INPP4B: variants seen among roughly 807,000 people sequenced by gnomAD.
INPP4B encodes inositol polyphosphate-4-phosphatase type II B.
Under a neutral mutation model 122.5 loss-of-function variants are expected in INPP4B, and 55 were observed. The observed-to-expected ratio is 0.45, with a 90% CI of 0.36 to 0.56. The LOEUF is 0.56. Ranked by LOEUF, INPP4B falls within the 20% of genes least tolerant of loss-of-function variation. INPP4B has a pLI of 0.00. For synonymous variants in INPP4B, 403 were observed against 388.7 expected (o/e 1.04, Z -0.43); for missense variants, 1,000 against 1,097.7 (o/e 0.91, Z 1.26).
At chr4:142,035,118 T>C (rs1743025824) in intron 25 of INPP4B, among the ~76,000 whole-genome samples, 1 of 152,170 alleles carries the variant, frequency 6.6e-6, no homozygotes, top group Non-Finnish European at 1.5e-5. Flanking sequence ...GGAGGATTTG[T>C]CTGAGGCTCA....
chr4:142,284,914 T>G (rs532239592), intron 9 of INPP4B, among the ~76,000 whole-genome samples: 1 of 152,224 alleles, frequency 6.6e-6, no homozygotes, highest in African/African-American at 2.4e-5. Context: ...GTTAATCAAT[T>G]TATATTTTGC....
intron 2 of INPP4B, among the ~76,000 whole-genome samples, chr4:142,496,389 T>C (rs1225017660): frequency 6.6e-6 from 1 of 152,196 alleles, no homozygotes; most frequent in East Asian, 1.9e-4. Flanking sequence ...TTATCATAAA[T>C]GTATTTCGTG....
intron 1 of INPP4B, among the ~76,000 whole-genome samples, chr4:142,761,674 A>G (rs902461587): frequency 6.6e-6 from 1 of 152,180 alleles, no homozygotes; most frequent in African/African-American, 2.4e-5. Flanking sequence ...ATTTGTTTCT[A>G]TTTTACACAT....
chr4:142,152,122 G>A (rs148071087), intron 17 of INPP4B, among the ~76,000 whole-genome samples: 3,885 of 136,752 alleles, frequency 0.028, 168 homozygotes, highest in African/African-American at 0.11. Context: ...CCCCCAGGCT[G>A]GAGTGCAGTG....
intron 17 of INPP4B, among the ~76,000 whole-genome samples, chr4:142,149,217 T>C (rs1398478600): frequency 6.6e-6 from 1 of 152,138 alleles, no homozygotes; most frequent in East Asian, 1.9e-4. Context: ...TGGCTCTCAG[T>C]AATTTTTGTT....
chr4:142,490,463 G>A (rs1821738523), intron 2 of INPP4B, among the ~76,000 whole-genome samples: 1 of 151,822 alleles, frequency 6.6e-6, no homozygotes, highest in Non-Finnish European at 1.5e-5. Context: ...ATACATTTAT[G>A]GTGTAAAATA....
At chr4:142,334,818 A>C (rs973986574) in intron 7 of INPP4B, among the ~76,000 whole-genome samples, 6 of 151,584 alleles carry the variant, frequency 4.0e-5, no homozygotes, top group African/African-American at 1.5e-4. Context: ...GTTGTTTTTT[A>C]TTTTTTATTG....
chr4:142,388,667 T>A (rs1796715465), intron 7 of INPP4B, among the ~76,000 whole-genome samples: 1 of 152,154 alleles, frequency 6.6e-6, no homozygotes, highest in Non-Finnish European at 1.5e-5. Context: ...TTGCTTTGCA[T>A]TTTGAGAGAG....
intron 18 of INPP4B, among the ~76,000 whole-genome samples, chr4:142,135,676 G>A (rs2152806324): frequency 6.6e-6 from 1 of 152,248 alleles, no homozygotes; most frequent in Middle Eastern, 3.4e-3. Flanking sequence ...ACAGAATCCA[G>A]TAAAAAATAA....
intron 12 of INPP4B, among the ~76,000 whole-genome samples, chr4:142,236,033 C>A (rs60563061): frequency 0.034 from 5,220 of 152,254 alleles, 290 homozygotes; most frequent in African/African-American, 0.12. Flanking sequence ...AAAGGGTAAG[C>A]CCTAGTCCTA....
rs4402587 is a variant in INPP4B at position 142,071,067 on chromosome 4, C to T, written c.2642+10964G>A. ...CAAAAGAATAAAGCTGGAGGCATCA[C>T]GCTACCTGACTTCAAACTATACTAC... is the stretch of plus-strand genomic sequence containing the variant. On this transcript the variant is annotated intron_variant, in intron 25 of 25. Coordinates refer to ENST00000262992, the MANE Select transcript of INPP4B (RefSeq NM_001101669.3). Among the ~76,000 whole-genome samples the T allele has an allele frequency of 1.4e-4, 21 of 152,204 alleles. 1 individual carries two copies. The highest frequency in any genetic ancestry group is 4.6e-4 in the African/African-American group (19 of 41,524).
chr4:142,045,350 C>T (rs1750762166), intron 25 of INPP4B, among the ~76,000 whole-genome samples: 1 of 152,062 alleles, frequency 6.6e-6, no homozygotes, highest in Non-Finnish European at 1.5e-5. Context: ...TTGTACTGGC[C>T]TTTTAATTTC....
At chr4:142,386,069 A>T (rs1205976282) in intron 7 of INPP4B, among the ~76,000 whole-genome samples, 1 of 152,110 alleles carries the variant, frequency 6.6e-6, no homozygotes, top group Admixed American at 6.6e-5. Flanking sequence ...GAAAAACACT[A>T]TCTTCTTCTC....
At chr4:142,792,706 C>T (rs1181343936) in intron 1 of INPP4B, among the ~76,000 whole-genome samples, 1 of 152,020 alleles carries the variant, frequency 6.6e-6, no homozygotes, top group Non-Finnish European at 1.5e-5. Flanking sequence ...AATCACTACA[C>T]ACCTAAGCAC....
At chr4:142,793,481 A>G (rs1776834150) in intron 1 of INPP4B, among the ~76,000 whole-genome samples, 1 of 152,134 alleles carries the variant, frequency 6.6e-6, no homozygotes, top group African/African-American at 2.4e-5. Flanking sequence ...AGCAAATGAC[A>G]TGCTTGTTGC....
At chr4:142,604,483 AC>A (rs1279453306) in intron 2 of INPP4B, among the ~76,000 whole-genome samples, 10 of 152,144 alleles carry the variant, frequency 6.6e-5, no homozygotes, top group African/African-American at 2.4e-4. Context: ...AAACCAAAAG[AC>A]TCCAACAGAA....
intron 2 of INPP4B, among the ~76,000 whole-genome samples, chr4:142,725,215 T>C (rs1211671067): frequency 1.3e-5 from 2 of 152,134 alleles, no homozygotes; most frequent in African/African-American, 4.8e-5. Context: ...GAACAACATA[T>C]GTAAATAATT....
chr4:142,198,206 A>G (rs1179430137), intron 14 of INPP4B, among the ~76,000 whole-genome samples: 1 of 152,068 alleles, frequency 6.6e-6, no homozygotes, highest in East Asian at 1.9e-4. Context: ...TTCACTAAAC[A>G]AACACCCACT....
chr4:142,366,679 T>C (rs1043597643), intron 7 of INPP4B, among the ~76,000 whole-genome samples: 1 of 152,116 alleles, frequency 6.6e-6, no homozygotes, highest in Admixed American at 6.6e-5. Context: ...TCTTACAGCA[T>C]CTTACAGGGA....
Sources: gnomAD v4.1 joint callset for allele counts (sites outside exome capture counted in the v4.1 genomes callset) on GRCh38, gnomAD v4.1.1 for gene constraint, MANE v1.5 for transcripts, NCBI Gene and HGNC (gene_info 2026-07-23, HGNC 2026-07-21) for gene names.